NYAP2: variants seen among roughly 807,000 people sequenced by gnomAD.
NYAP2 encodes the protein neuronal tyrosine-phosphorylated phosphoinositide-3-kinase adaptor 2.
A neutral mutation model predicts 50.4 loss-of-function variants in NYAP2; 23 were observed. The ratio of observed to expected loss-of-function variants is 0.46; its 90% CI spans 0.33 to 0.65. The LOEUF (loss-of-function observed/expected upper bound fraction) is 0.65, where lower values mean the gene tolerates loss of function less well. Among genes scored for constraint, NYAP2 ranks in the 30% least tolerant of loss-of-function variants. NYAP2 has a pLI of 0.02. For synonymous variants in NYAP2, 394 were observed against 365.2 expected, an observed-to-expected ratio of 1.08 and a Z score of -0.90; for missense variants, 885 against 861.0, an observed-to-expected ratio of 1.03 and a Z score of -0.35.
intron 4 of NYAP2, among the ~76,000 whole-genome samples, chr2:225,537,708 A>G (rs1366118179): frequency 6.6e-6 from 1 of 152,110 alleles, no homozygotes; most frequent in African/African-American, 2.4e-5. Context: ...ATGTCCTCAC[A>G]TTTCAAAACC....
At chr2:225,463,083 T>C (rs142989516) in intron 3 of NYAP2, among the ~76,000 whole-genome samples, 1 of 152,386 alleles carries the variant, frequency 6.6e-6, no homozygotes, top group East Asian at 1.9e-4. Flanking sequence ...GTCCATCAGC[T>C]GCCTCTTCCC....
At chr2:225,495,688 A>T (rs966538319) in intron 3 of NYAP2, among the ~76,000 whole-genome samples, 4 of 152,248 alleles carry the variant, frequency 2.6e-5, no homozygotes, top group African/African-American at 9.6e-5. Context: ...TAAAAATCAC[A>T]AGAATAGATA....
chr2:225,543,816 T>C (rs1347399704), intron 4 of NYAP2, among the ~76,000 whole-genome samples: 1 of 152,110 alleles, frequency 6.6e-6, no homozygotes, highest in Non-Finnish European at 1.5e-5. Context: ...GTTTGTTGAC[T>C]TTCCGTCTGG....
chr2:225,564,444 C>T (rs1271415662), intron 4 of NYAP2, among the ~76,000 whole-genome samples: 1 of 151,812 alleles, frequency 6.6e-6, no homozygotes, highest in African/African-American at 2.4e-5. Flanking sequence ...CAGTGAGATT[C>T]TAACATGGAT....
chr2:225,486,838 C>T (rs987018745), intron 3 of NYAP2, among the ~76,000 whole-genome samples: 1 of 152,196 alleles, frequency 6.6e-6, no homozygotes, highest in African/African-American at 2.4e-5. Flanking sequence ...GCCATTAACT[C>T]CTCCTCCCTA....
At chr2:225,639,661 T>G (rs1227304636) in intron 6 of NYAP2, among the ~76,000 whole-genome samples, 1 of 152,212 alleles carries the variant, frequency 6.6e-6, no homozygotes, top group Non-Finnish European at 1.5e-5. Flanking sequence ...GTTTATTCAT[T>G]TATTCACATT....
At chr2:225,609,991 T>C (rs1432745813) in intron 5 of NYAP2, among the ~76,000 whole-genome samples, 3 of 152,146 alleles carry the variant, frequency 2.0e-5, no homozygotes, top group African/African-American at 4.8e-5. Flanking sequence ...TATAACCTCA[T>C]TGTGCGTTGG....
chr2:225,672,231 G>T, the NYAP2 span, among the ~76,000 whole-genome samples: 1 of 152,084 alleles, frequency 6.6e-6, no homozygotes, highest in Non-Finnish European at 1.5e-5. Flanking sequence ...AGTCTTTTTA[G>T]TATAGCCACC....
chr2:225,605,268 T>C (rs1692766366), intron 5 of NYAP2, among the ~76,000 whole-genome samples: 1 of 152,156 alleles, frequency 6.6e-6, no homozygotes, highest in Non-Finnish European at 1.5e-5. Flanking sequence ...TATATTCAGC[T>C]ACCCACACAC....
rs1289710220 is a variant in NYAP2, at chr2:225,518,581, C to A, written c.523+4909C>A. ...ATATATATATATATTAGCGTGTGCG[C>A]TTATATATATATATATATATATATT... On this transcript the variant is annotated intron_variant, in intron 4 of 6. Transcript: ENST00000636099. Among the ~76,000 whole-genome samples, 17 of 10,042 alleles carry A rather than the reference C, an allele frequency of 1.7e-3. 3 individuals carry two copies. The East Asian group carries it at 0.018, about 10-fold the overall frequency. The allele number at this position is 10,042 out of a possible 152,430, so 6.6% of individuals were successfully genotyped here.
chr2:225,426,724 T>C (rs1695293885), intron 3 of NYAP2, among the ~76,000 whole-genome samples: 1 of 152,198 alleles, frequency 6.6e-6, no homozygotes, highest in South Asian at 2.1e-4. Context: ...GATAACATAT[T>C]AGTACAGTTT....
At chr2:225,509,800 G>A (rs890521623) in intron 3 of NYAP2, among the ~76,000 whole-genome samples, 3 of 152,172 alleles carry the variant, frequency 2.0e-5, no homozygotes, top group African/African-American at 7.2e-5. Context: ...CTCATGGCAA[G>A]TGCTCTCTTA....
chr2:225,427,167 A>G (rs969998899), intron 3 of NYAP2, among the ~76,000 whole-genome samples: 3 of 152,078 alleles, frequency 2.0e-5, no homozygotes, highest in African/African-American at 7.2e-5. Context: ...TATCCATGCA[A>G]CTCCAAAATA....
intron 5 of NYAP2, among the ~76,000 whole-genome samples, chr2:225,606,977 AT>A (rs1285553152): frequency 2.6e-5 from 4 of 152,128 alleles, no homozygotes; most frequent in African/African-American, 9.6e-5. Flanking sequence ...GTAAGGTATC[AT>A]TAATTAGTTA....
chr2:225,531,660 C>A lies in NYAP2; in HGVS notation c.523+17988C>A, dbSNP rs117370292. On this transcript the variant is annotated intron_variant, in intron 4 of 6. Coordinates refer to ENST00000636099, the Ensembl canonical transcript of NYAP2. The stretch of plus-strand genomic sequence containing the variant: ...TGAAGAGTTAATGCACTTTCAGGCA[C>A]CTTTAATGTAGAAAGAAGTTCCGAT... Among the ~76,000 whole-genome samples the A allele has an allele frequency of 1.3e-3, 203 of 152,294 alleles. 2 individuals carry two copies. The East Asian group carries it at 0.031, about 23-fold the overall frequency.
chr2:225,464,553 G>A lies in NYAP2; in HGVS notation c.222-48818G>A, dbSNP rs149561911. On this transcript the variant is annotated intron_variant, in intron 3 of 6. Coordinates refer to ENST00000636099, the Ensembl canonical transcript of NYAP2. Reference sequence around the variant, plus strand: ...TGGTGACTTCAGGTAACTGGGCAGCGCATGAGCCTGCTCACTTCCCGGCCA... The same window carrying A: ...TGGTGACTTCAGGTAACTGGGCAGCACATGAGCCTGCTCACTTCCCGGCCA... 3.9e-3 allele frequency among the ~76,000 whole-genome samples: 593 copies of A among 152,286 alleles called. 6 individuals are homozygous for A. The highest frequency in any genetic ancestry group is 0.014 in the African/African-American group (561 of 41,554).
chr2:225,558,878 A>G (rs1462285979), intron 4 of NYAP2, among the ~76,000 whole-genome samples: 6 of 152,104 alleles, frequency 3.9e-5, no homozygotes, highest in Non-Finnish European at 7.4e-5. Context: ...TCCTATCACT[A>G]TGATACAACT....
the NYAP2 span, among the ~76,000 whole-genome samples, chr2:225,669,279 C>T: frequency 1.3e-5 from 2 of 151,974 alleles, no homozygotes; most frequent in Non-Finnish European, 1.5e-5. Flanking sequence ...CATTATGGCA[C>T]GTGAATTTGG....
intron 5 of NYAP2, among the ~76,000 whole-genome samples, chr2:225,590,742 A>T (rs578188929): frequency 6.6e-6 from 1 of 152,316 alleles, no homozygotes; most frequent in South Asian, 2.1e-4. Flanking sequence ...TAAGTTACTG[A>T]TTAGTGGCAG....
Sources: gnomAD v4.1 joint callset for allele counts (sites outside exome capture counted in the v4.1 genomes callset) on GRCh38, gnomAD v4.1.1 for gene constraint, MANE v1.5 for transcripts, NCBI Gene and HGNC (gene_info 2026-07-23, HGNC 2026-07-21) for gene names.